Variants in PLCB4 observed in about 807,000 individuals in gnomAD.
The protein encoded by PLCB4 is phospholipase C beta 4.
PLCB4 carries 77 observed loss-of-function variants against 178.8 expected under a neutral mutation model. The observed-to-expected ratio is 0.43, with a 90% confidence interval of 0.36 to 0.52. The LOEUF is 0.52. Ranked by LOEUF, PLCB4 falls within the 20% of genes least tolerant of loss-of-function variation. PLCB4 has a pLI of 0.00. For synonymous variants in PLCB4, 496 were observed against 490.8 expected (o/e 1.01, Z -0.14); for missense variants, 1,024 against 1,453.4 (o/e 0.70, Z 4.80).
chr20:9,162,686 A>C (rs2146988138), intron 2 of PLCB4, among the ~76,000 whole-genome samples: 1 of 152,130 alleles, frequency 6.6e-6, no homozygotes, highest in East Asian at 1.9e-4. Context: ...TCTTTCTATA[A>C]TTTACATTTA....
chr20:9,112,170 T>G (rs2091602117), intron 2 of PLCB4, among the ~76,000 whole-genome samples: 1 of 152,150 alleles, frequency 6.6e-6, no homozygotes, highest in Admixed American at 6.6e-5. Flanking sequence ...GTGTTAAGAA[T>G]CTGAAGAGAA....
intron 7 of PLCB4, 103 bp downstream of exon 7, chr20:9,339,140 A>G (rs2032878095): frequency 2.2e-6 from 2 of 897,140 alleles, no homozygotes; most frequent in Non-Finnish European, 3.4e-6. Context: ...TTGTATGGTA[A>G]TTTAAAAGTT....
chr20:9,175,309 C>G (rs1034514499), intron 2 of PLCB4, among the ~76,000 whole-genome samples: 2 of 152,104 alleles, frequency 1.3e-5, no homozygotes, highest in African/African-American at 4.8e-5. Flanking sequence ...CCTTCTAGGT[C>G]TCATTCTCTA....
chr20:9,091,681 A>G (rs2090685164), intron 1 of PLCB4, among the ~76,000 whole-genome samples: 1 of 150,818 alleles, frequency 6.6e-6, no homozygotes, highest in South Asian at 2.1e-4. Flanking sequence ...CTAGATGCAA[A>G]GTGCCTAACA....
intron 3 of PLCB4, among the ~76,000 whole-genome samples, chr20:9,268,933 C>A (rs897372661): frequency 3.9e-5 from 6 of 152,178 alleles, no homozygotes; most frequent in African/African-American, 1.4e-4. Flanking sequence ...CTCCTCTGAA[C>A]CTTGTCATCA....
At chr20:9,279,637 A>G (rs1453841656) in intron 3 of PLCB4, among the ~76,000 whole-genome samples, 1 of 152,052 alleles carries the variant, frequency 6.6e-6, no homozygotes, top group African/African-American at 2.4e-5. Context: ...AGAGTTCATC[A>G]TCATTTTAAT....
chr20:9,463,237 G>C (rs139344936), intron 35 of PLCB4, among the ~76,000 whole-genome samples: 2 of 152,082 alleles, frequency 1.3e-5, no homozygotes, highest in African/African-American at 4.8e-5. Flanking sequence ...GTCACCGCCA[G>C]GCCTGCCTTA....
intron 2 of PLCB4, among the ~76,000 whole-genome samples, chr20:9,196,820 T>A (rs1282886120): frequency 6.6e-6 from 1 of 151,938 alleles, no homozygotes; most frequent in Admixed American, 6.6e-5. Flanking sequence ...TAAGCGGAGG[T>A]GTTATTTTAG....
intron 4 of PLCB4, among the ~76,000 whole-genome samples, chr20:9,329,581 T>TA (rs768734872): frequency 6.6e-6 from 1 of 152,146 alleles, no homozygotes; most frequent in Non-Finnish European, 1.5e-5. Flanking sequence ...GAGCATCAGT[T>TA]ACTGGTGGAA....
At chr20:9,288,254 A>C (rs1033783676) in intron 3 of PLCB4, among the ~76,000 whole-genome samples, 1 of 152,004 alleles carries the variant, frequency 6.6e-6, no homozygotes, top group African/African-American at 2.4e-5. Context: ...AAAGTTCACT[A>C]ATTTTATTAT....
chr20:9,169,011 G>A (rs6140885), intron 2 of PLCB4, among the ~76,000 whole-genome samples: 1 of 138,542 alleles, frequency 7.2e-6, no homozygotes, highest in East Asian at 2.1e-4. Flanking sequence ...ACCACCAAGG[G>A]CTCATCCTCT....
chr20:9,129,078 G>A (rs1249840107), intron 2 of PLCB4, among the ~76,000 whole-genome samples: 1 of 152,124 alleles, frequency 6.6e-6, no homozygotes, highest in Non-Finnish European at 1.5e-5. Flanking sequence ...TCCATCAATG[G>A]ACACTTGGGT....
At chr20:9,185,083 C>A (rs2093310509) in intron 2 of PLCB4, among the ~76,000 whole-genome samples, 1 of 152,122 alleles carries the variant, frequency 6.6e-6, no homozygotes, top group African/African-American at 2.4e-5. Flanking sequence ...CCACCATGCC[C>A]CACTGGTAGG....
intron 3 of PLCB4, among the ~76,000 whole-genome samples, chr20:9,295,814 G>T (rs1176395061): frequency 6.6e-6 from 1 of 152,124 alleles, no homozygotes; most frequent in African/African-American, 2.4e-5. Flanking sequence ...TGCTGTTTTG[G>T]TTACTGTAGC....
chr20:9,428,699 C>G (rs183485757), intron 28 of PLCB4, among the ~76,000 whole-genome samples: 251 of 152,024 alleles, frequency 1.7e-3, no homozygotes, highest in African/African-American at 5.6e-3. Flanking sequence ...GCCTGTACCT[C>G]TTGGTAAGTT....
chr20:9,263,624 A>T (rs950537993), intron 3 of PLCB4, among the ~76,000 whole-genome samples: 2 of 152,178 alleles, frequency 1.3e-5, no homozygotes, highest in African/African-American at 4.8e-5. Context: ...GGCTACTGAG[A>T]TGGCTTCTTC....
At chr20:9,178,877 A>C (rs1218959388) in intron 2 of PLCB4, among the ~76,000 whole-genome samples, 1 of 152,152 alleles carries the variant, frequency 6.6e-6, no homozygotes, top group Non-Finnish European at 1.5e-5. Context: ...GCATTATAAA[A>C]CATAAATGTT....
At chr20:9,134,710 G>A (rs2092346943) in intron 2 of PLCB4, among the ~76,000 whole-genome samples, 1 of 151,986 alleles carries the variant, frequency 6.6e-6, no homozygotes, top group Admixed American at 6.6e-5. Flanking sequence ...GAGGCTAATT[G>A]TTACTTTTTA....
chr20:9,364,217 C>A (rs1270837919), intron 8 of PLCB4, among the ~76,000 whole-genome samples: 2 of 152,166 alleles, frequency 1.3e-5, no homozygotes, highest in African/African-American at 4.8e-5. Context: ...AGTGGATATT[C>A]TGATGTTATG....
Sources: allele counts gnomAD v4.1 joint callset (sites outside exome capture counted in the v4.1 genomes callset), GRCh38; gene constraint gnomAD v4.1.1; transcripts MANE v1.5; gene names NCBI Gene and HGNC (gene_info 2026-07-23, HGNC 2026-07-21).